The following SPAG17 variants were observed in gnomAD, a reference collection of about 807,000 sequenced individuals.
The protein encoded by SPAG17 is sperm-associated antigen 17.
Under a neutral mutation model 273.6 loss-of-function variants are expected in SPAG17, and 169 were observed. The observed-to-expected ratio is 0.62, with a 90% confidence interval of 0.55 to 0.70. SPAG17 has a LOEUF of 0.70. Among genes scored for constraint, SPAG17 ranks in the 30% least tolerant of loss-of-function variants. The pLI is 0.00. For synonymous variants in SPAG17, 825 were observed against 873.2 expected, an observed-to-expected ratio of 0.94 and a Z score of 0.97; for missense variants, 2,557 against 2,627.8, an observed-to-expected ratio of 0.97 and a Z score of 0.59.
intron 46 of SPAG17, among the ~76,000 whole-genome samples, chr1:117,969,129 T>G (rs1456228258): frequency 6.6e-6 from 1 of 152,148 alleles, no homozygotes; most frequent in Non-Finnish European, 1.5e-5. Flanking sequence ...ATTTCTGAAA[T>G]TATAATTTAA....
rs1351773710 is a variant in SPAG17 at position 117,964,158 on chromosome 1, C to T, written c.6533-220G>A. The T allele has an allele frequency of 1.5e-5, 6 of 397,100 alleles. No homozygotes were observed. The East Asian group carries it at 1.9e-4, about 13-fold the overall frequency. 24.6% of individuals were successfully genotyped at this position (397,100 alleles called of 1,614,324 possible). On this transcript the variant is annotated intron_variant, in intron 47 of 48. Transcript: ENST00000336338. ...TCTGTTCTCCCTAGTGTACATTTCT[C>T]TCCTAACTGTGACTGGCTTTCTATA...
At chr1:118,036,038 A>G (rs1414545854) in intron 24 of SPAG17, among the ~76,000 whole-genome samples, 13 of 152,102 alleles carry the variant, frequency 8.5e-5, no homozygotes, top group Admixed American at 8.5e-4. Context: ...ACCAAAAATA[A>G]TTAGCCAGGT....
At chr1:118,071,815 G>A (rs903398966) in intron 17 of SPAG17, among the ~76,000 whole-genome samples, 1 of 151,900 alleles carries the variant, frequency 6.6e-6, no homozygotes, top group Non-Finnish European at 1.5e-5. Flanking sequence ...AAAAAGAAAG[G>A]GAAATTGCAG....
intron 35 of SPAG17, among the ~76,000 whole-genome samples, chr1:117,993,946 T>C (rs1472485742): frequency 2.0e-5 from 3 of 152,218 alleles, no homozygotes; most frequent in Non-Finnish European, 4.4e-5. Context: ...CAAATGTGCG[T>C]AAAATCCTTC....
Position 118,115,972 on chromosome 1 carries a change from C to T in SPAG17, c.316-531G>A, listed in dbSNP as rs543535968. Among the ~76,000 whole-genome samples the T allele has an allele frequency of 1.1e-4, 16 of 152,234 alleles. No homozygotes were observed. In the South Asian group the frequency reaches 2.9e-3, roughly 28 times the overall value. On this transcript the variant is annotated intron_variant, in intron 3 of 48. Coordinates refer to ENST00000336338, the MANE Select transcript of SPAG17 (RefSeq NM_206996.4). ...CAAAGGCGCCATATGAATGTTGCTC[C>T]CCCTTGCAACTTAATGTTGATCATG... is the stretch of plus-strand genomic sequence containing the variant.
chr1:118,083,781 CT>C (rs1393556688), intron 13 of SPAG17, among the ~76,000 whole-genome samples: 3 of 151,760 alleles, frequency 2.0e-5, no homozygotes, highest in Non-Finnish European at 4.4e-5. Flanking sequence ...GAGACTCTGT[CT>C]CAAAAAAACA....
At chr1:118,025,139 T>G in intron 27 of SPAG17, 99 bp downstream of exon 27, 8 of 987,738 alleles carry the variant, frequency 8.1e-6, no homozygotes, top group African/African-American at 1.6e-5. Context: ...CTTTTTCTAG[T>G]GAGTTGTTCC....
At chr1:118,004,049 T>G (rs1658596289) in intron 32 of SPAG17, among the ~76,000 whole-genome samples, 1 of 152,232 alleles carries the variant, frequency 6.6e-6, no homozygotes, top group Non-Finnish European at 1.5e-5. Context: ...TGTTTGTTAC[T>G]TTTCCTTCTA....
At chr1:118,000,255 A>G (rs1319116736) in intron 32 of SPAG17, among the ~76,000 whole-genome samples, 1 of 152,122 alleles carries the variant, frequency 6.6e-6, no homozygotes, top group African/African-American at 2.4e-5. Context: ...GTCAGGTAGC[A>G]TGATGCCTCC....
At chr1:118,183,625 A>G (rs1255686664) in intron 1 of SPAG17, among the ~76,000 whole-genome samples, 1 of 152,204 alleles carries the variant, frequency 6.6e-6, no homozygotes, top group African/African-American at 2.4e-5. Context: ...GCTGAATATT[A>G]TTTCAGGTTT....
intron 32 of SPAG17, among the ~76,000 whole-genome samples, chr1:118,002,997 G>A (rs1452025995): frequency 4.6e-5 from 7 of 152,016 alleles, no homozygotes; most frequent in Admixed American, 2.6e-4. Context: ...TGCTTCCTTC[G>A]GGTGCTCTTG....
chr1:118,041,756 A>G (rs1434548323), intron 21 of SPAG17, 47 bp downstream of exon 21: 1 of 1,573,054 alleles, frequency 6.4e-7, no homozygotes, highest in Non-Finnish European at 8.6e-7. Flanking sequence ...TCCCAAAACA[A>G]TTAGGAATAG....
At chr1:118,129,463 A>G (rs1657932593) in intron 3 of SPAG17, among the ~76,000 whole-genome samples, 1 of 152,190 alleles carries the variant, frequency 6.6e-6, no homozygotes, top group Non-Finnish European at 1.5e-5. Context: ...TTTGCTTTTA[A>G]CAAGACCTCA....
chr1:118,159,551 G>A (rs1250004866), intron 1 of SPAG17, among the ~76,000 whole-genome samples: 1 of 152,086 alleles, frequency 6.6e-6, no homozygotes, highest in Non-Finnish European at 1.5e-5. Context: ...TATATGCAAG[G>A]GAAATATTCT....
At chr1:118,002,296 T>C (rs189128017) in intron 32 of SPAG17, among the ~76,000 whole-genome samples, 179 of 152,316 alleles carry the variant, frequency 1.2e-3, no homozygotes, top group Middle Eastern at 3.4e-3. Context: ...GAATGTATAT[T>C]CTGTTGATTT....
chr1:118,060,430 C>T (rs1164651184), intron 18 of SPAG17, among the ~76,000 whole-genome samples: 1 of 152,012 alleles, frequency 6.6e-6, no homozygotes, highest in Non-Finnish European at 1.5e-5. Flanking sequence ...TCTTCCTTCC[C>T]AACATTTTAC....
chr1:118,002,354 C>T lies in SPAG17; in HGVS notation c.4776+3060G>A, dbSNP rs556418523. Reference sequence around the variant, plus strand: ...TCTATTAGTTCTGCTTGGTGCAGAACTGAGTTCAAGTCCTGGATATCCCTG... The same window carrying T: ...TCTATTAGTTCTGCTTGGTGCAGAATTGAGTTCAAGTCCTGGATATCCCTG... On this transcript the variant is annotated intron_variant, in intron 32 of 48. Transcript: ENST00000336338. Among the ~76,000 whole-genome samples, 12 of 152,266 alleles carry T rather than the reference C, an allele frequency of 7.9e-5. No individual in the cohort carries two copies. The East Asian group carries it at 2.1e-3, about 27-fold the overall frequency.
intron 1 of SPAG17, among the ~76,000 whole-genome samples, chr1:118,181,058 T>A (rs1168457359): frequency 6.6e-6 from 1 of 151,642 alleles, no homozygotes; most frequent in Non-Finnish European, 1.5e-5. Flanking sequence ...TAAGTTAGTA[T>A]CAATTTAAGA....
chr1:118,154,097 CA>C (rs1313582915), intron 1 of SPAG17, among the ~76,000 whole-genome samples: 1 of 152,122 alleles, frequency 6.6e-6, no homozygotes, highest in Non-Finnish European at 1.5e-5. Context: ...CACTCTGAGA[CA>C]GTCTGCCCAG....
Sources: gnomAD v4.1 joint callset for allele counts (sites outside exome capture counted in the v4.1 genomes callset) on GRCh38, gnomAD v4.1.1 for gene constraint, MANE v1.5 for transcripts, NCBI Gene and HGNC (gene_info 2026-07-23, HGNC 2026-07-21) for gene names.